Variants in PRKG1 observed in about 807,000 individuals in gnomAD.
PRKG1 encodes the protein cGMP-dependent protein kinase 1.
A neutral mutation model predicts 88.1 loss-of-function variants in PRKG1; 35 were observed. The observed-to-expected ratio is 0.40, with a 90% confidence interval of 0.30 to 0.53. The LOEUF (loss-of-function observed/expected upper bound fraction) is 0.53. Among genes scored for constraint, PRKG1 ranks in the 20% least tolerant of loss-of-function variants. The probability of loss-of-function intolerance (pLI) is 0.59; values close to 1 mark genes in which losing one functional copy is unlikely to be tolerated. For synonymous variants in PRKG1, 303 were observed against 292.5 expected (o/e 1.04, Z -0.37); for missense variants, 540 against 839.8 (o/e 0.64, Z 4.41).
intron 2 of PRKG1, among the ~76,000 whole-genome samples, chr10:51,446,688 T>C (rs1839282245): frequency 6.6e-6 from 1 of 152,048 alleles, no homozygotes; most frequent in Non-Finnish European, 1.5e-5. Context: ...TCTTCATCCT[T>C]TCGTTCAGGT....
chr10:51,208,964 T>C (rs187423630), intron 2 of PRKG1, among the ~76,000 whole-genome samples: 1 of 152,310 alleles, frequency 6.6e-6, no homozygotes, highest in East Asian at 1.9e-4. Context: ...ATTTTGTGAC[T>C]TATAAACACT....
chr10:51,315,006 G>A (rs986379284), intron 2 of PRKG1, among the ~76,000 whole-genome samples: 1 of 152,084 alleles, frequency 6.6e-6, no homozygotes, highest in Non-Finnish European at 1.5e-5. Flanking sequence ...AACTTGGCTG[G>A]GATATGATTT....
intron 3 of PRKG1, among the ~76,000 whole-genome samples, chr10:51,740,685 G>A (rs981696992): frequency 6.6e-6 from 1 of 151,952 alleles, no homozygotes; most frequent in Non-Finnish European, 1.5e-5. Context: ...TTTACTCCAT[G>A]GACTCCTTTA....
intron 2 of PRKG1, among the ~76,000 whole-genome samples, chr10:51,257,330 C>T (rs764049849): frequency 6.6e-5 from 10 of 151,992 alleles, no homozygotes; most frequent in East Asian, 1.9e-4. Context: ...ATGGCATGTG[C>T]GGGTGAGAGG....
chr10:51,854,740 G>A (rs1335051265), intron 4 of PRKG1, among the ~76,000 whole-genome samples: 1 of 152,186 alleles, frequency 6.6e-6, no homozygotes, highest in Non-Finnish European at 1.5e-5. Flanking sequence ...GTAATCTGGG[G>A]TGGTAGAGGA....
intron 5 of PRKG1, among the ~76,000 whole-genome samples, chr10:51,954,047 C>A (rs1042491764): frequency 6.6e-6 from 1 of 152,028 alleles, no homozygotes; most frequent in African/African-American, 2.4e-5. Flanking sequence ...TACAACCAGA[C>A]CTATTTTTCT....
Position 51,925,151 on chromosome 10 carries a change from G to A in PRKG1, c.762+17581G>A, listed in dbSNP as rs1475968124. On this transcript the variant is annotated intron_variant, in intron 5 of 17. Transcript: ENST00000373980. ...CGTAATTTTTTTGAAATTTGGGTAT[G>A]ATGTTTTGAGTAAAAGAAATTGAAG... Among the ~76,000 whole-genome samples the A allele has an allele frequency of 2.0e-5, 3 of 151,112 alleles. No individual in the cohort carries two copies. In the East Asian group the frequency reaches 5.8e-4, roughly 29 times the overall value.
intron 4 of PRKG1, among the ~76,000 whole-genome samples, chr10:51,825,481 C>T (rs10999649): frequency 0.21 from 31,891 of 152,032 alleles, 5,390 homozygotes; most frequent in African/African-American, 0.47. Context: ...TACACGTTCA[C>T]AGACAGGGAC....
chr10:52,139,166 T>G (rs1837506884), intron 8 of PRKG1, among the ~76,000 whole-genome samples: 2 of 152,154 alleles, frequency 1.3e-5, no homozygotes, highest in Admixed American at 1.3e-4. Context: ...CTGATTCCTG[T>G]GTCAGGTACT....
chr10:51,186,165 T>A (rs1837480770), intron 2 of PRKG1, among the ~76,000 whole-genome samples: 1 of 151,852 alleles, frequency 6.6e-6, no homozygotes. Flanking sequence ...ATTTTCTGGT[T>A]GTCTTCCAGG....
chr10:51,735,571 G>A (rs1051305825), intron 3 of PRKG1, among the ~76,000 whole-genome samples: 1 of 151,712 alleles, frequency 6.6e-6, no homozygotes, highest in African/African-American at 2.4e-5. Context: ...AGTATTTGTG[G>A]GGGGATTATT....
At chr10:51,282,960 G>T (rs1840340343) in intron 2 of PRKG1, among the ~76,000 whole-genome samples, 1 of 152,110 alleles carries the variant, frequency 6.6e-6, no homozygotes, top group Admixed American at 6.5e-5. Flanking sequence ...TTAAACCCAA[G>T]AATTTCTCCC....
intron 5 of PRKG1, among the ~76,000 whole-genome samples, chr10:52,021,261 C>A (rs1330916090): frequency 2.0e-5 from 3 of 152,060 alleles, no homozygotes; most frequent in Non-Finnish European, 4.4e-5. Context: ...TAAAGGCAGC[C>A]ATGTATGATA....
chr10:50,996,744 G>C (rs1842840638), intron 1 of PRKG1, among the ~76,000 whole-genome samples: 1 of 152,178 alleles, frequency 6.6e-6, no homozygotes, highest in South Asian at 2.1e-4. Context: ...TGTCATTCAT[G>C]CTAATCCCTT....
chr10:51,275,548 GAC>G (rs1166053560), intron 2 of PRKG1, among the ~76,000 whole-genome samples: 2 of 152,134 alleles, frequency 1.3e-5, no homozygotes, highest in Non-Finnish European at 1.5e-5. Flanking sequence ...TAAATGCATT[GAC>G]ATGATACAAA....
chr10:52,106,842 G>C (rs752307742), intron 7 of PRKG1, among the ~76,000 whole-genome samples: 69 of 151,802 alleles, frequency 4.5e-4, no homozygotes, highest in Non-Finnish European at 5.3e-4. Flanking sequence ...CACATAATGA[G>C]AGTGCCTTTA....
intron 1 of PRKG1, among the ~76,000 whole-genome samples, chr10:51,146,099 G>A (rs946071736): frequency 2.0e-5 from 3 of 151,890 alleles, no homozygotes; most frequent in Non-Finnish European, 2.9e-5. Context: ...TGAGGCAGGA[G>A]AATGGCATGA....
chr10:51,751,191 C>A (rs1251003314), intron 3 of PRKG1, among the ~76,000 whole-genome samples: 1 of 152,048 alleles, frequency 6.6e-6, no homozygotes, highest in African/African-American at 2.4e-5. Context: ...TGTAGGATTG[C>A]CAGAAAAAAA....
intron 3 of PRKG1, among the ~76,000 whole-genome samples, chr10:51,503,079 A>G (rs775620355): frequency 6.6e-6 from 1 of 152,146 alleles, no homozygotes; most frequent in Non-Finnish European, 1.5e-5. Flanking sequence ...CATGTAGGTC[A>G]TACTCTATCC....
Sources: allele counts gnomAD v4.1 joint callset (sites outside exome capture counted in the v4.1 genomes callset), GRCh38; gene constraint gnomAD v4.1.1; transcripts MANE v1.5; gene names NCBI Gene and HGNC (gene_info 2026-07-23, HGNC 2026-07-21).